The following DAB2 variants were observed in gnomAD, a reference collection of about 807,000 sequenced individuals.
The protein encoded by DAB2 is DAB adaptor protein 2.
A neutral mutation model predicts 71.6 loss-of-function variants in DAB2; 28 were observed. That is an observed-to-expected ratio of 0.39 (90% confidence interval 0.29 to 0.54). DAB2 has a LOEUF of 0.54. DAB2 is among the 20% of genes least tolerant of loss of function. The pLI, the probability that DAB2 is intolerant of heterozygous loss-of-function variation, is 0.68. For missense variants in DAB2, 867 were observed against 928.8 expected (o/e 0.93, Z 0.86); for synonymous variants, 345 against 339.7 (o/e 1.02, Z -0.17).
At chr5:39,418,636 A>G (rs1041245148) in intron 1 of DAB2, among the ~76,000 whole-genome samples, 4 of 152,274 alleles carry the variant, frequency 2.6e-5, no homozygotes, top group African/African-American at 9.6e-5. Flanking sequence ...GTGTGCCTCT[A>G]CTGATTTATG....
rs149477668 is a variant in DAB2, at chr5:39,390,560, G to A, written c.346C>T (p.His116Tyr). The A allele has an allele frequency of 1.9e-6, 3 of 1,612,292 alleles. No homozygotes were observed. The highest frequency in any genetic ancestry group is 2.5e-6 in the Non-Finnish European group (3 of 1,178,592). The change falls in exon 5 of 15, where the codon CAT (histidine) becomes TAT (tyrosine). Residue 116 changes from histidine (H) to tyrosine (Y), a missense_variant. Physicochemically the swap from His to Tyr is moderately conservative, Grantham distance 83. This residue lies in a region of DAB2 where 127 missense variants were observed against 194.4 expected (regional missense o/e 0.65). Coordinates refer to ENST00000320816, the MANE Select transcript of DAB2 (RefSeq NM_001343.4). Reference protein sequence around the residue: ...DEKTGVIEHEHPVNKISFIAR... With the variant: ...DEKTGVIEHEYPVNKISFIAR... ...ATGAAAGAAATCTTATTTACTGGAT[G>A]TTCATGCTCTATTACCTTAAAAAAG...
chr5:39,419,931 T>G (rs1356613487), intron 1 of DAB2, among the ~76,000 whole-genome samples: 11 of 152,240 alleles, frequency 7.2e-5, no homozygotes, highest in Non-Finnish European at 1.3e-4. Context: ...TGCTTTATTA[T>G]CTCCATGACT....
chr5:39,404,276 G>A (rs973429315), intron 1 of DAB2, among the ~76,000 whole-genome samples: 3 of 149,848 alleles, frequency 2.0e-5, no homozygotes, highest in African/African-American at 4.9e-5. Context: ...GATAGCATTA[G>A]GAGATATACC....
intron 5 of DAB2, 146 bp from the exon 6 acceptor site, chr5:39,390,078 C>T: frequency 1.6e-6 from 1 of 631,262 alleles, no homozygotes; most frequent in South Asian, 2.2e-5. Flanking sequence ...GGGATCACCA[C>T]CAACCCAATC....
At chr5:39,405,580 C>A (rs920508628) in intron 1 of DAB2, among the ~76,000 whole-genome samples, 8 of 152,154 alleles carry the variant, frequency 5.3e-5, no homozygotes, top group Admixed American at 6.5e-5. Flanking sequence ...CTGGGTAGGA[C>A]AATGTTGTGG....
In DAB2 at chr5:39,377,091, G is replaced by C. The variant is rs754700560; in HGVS notation, c.1696C>G (p.Pro566Ala). The C allele has an allele frequency of 2.5e-6, 4 of 1,614,180 alleles. No homozygotes were observed. Among genetic ancestry groups the C allele is most frequent in the South Asian group, 2.2e-5 (2 of 91,082 alleles). Residue 566 changes from proline to alanine, a missense_variant, in exon 12 of 15, where the codon CCC becomes GCC. This residue lies in a region of DAB2 where 740 missense variants were observed against 734.3 expected (regional missense o/e 1.01). Transcript: ENST00000320816. ...CCCCAGACAACAGGCACTGGAGGGG[G>C]AGTTGAGGCTGCAAAGGGTGAAGGC... ...NQPSPFAAST[P>A]PPVPVVWGPS...
chr5:39,388,026 C>T, intron 9 of DAB2: 2 of 309,538 alleles, frequency 6.5e-6, no homozygotes, highest in South Asian at 5.9e-5. Context: ...CTATTATTCA[C>T]CTCCTCCTTC....
intron 1 of DAB2, among the ~76,000 whole-genome samples, chr5:39,397,771 A>G (rs899979115): frequency 2.0e-5 from 3 of 152,160 alleles, no homozygotes; most frequent in African/African-American, 7.2e-5. Context: ...TAATCCTTAT[A>G]TGCTTTTAAA....
At chr5:39,376,197 T>A in intron 12 of DAB2, 91 bp from the exon 13 acceptor site, 1 of 978,874 alleles carries the variant, frequency 1.0e-6, no homozygotes, top group Non-Finnish European at 1.6e-6. Flanking sequence ...AGTTTAGTTC[T>A]ATACTTTTGA....
At chr5:39,385,652 C>T (rs1179523652) in intron 9 of DAB2, among the ~76,000 whole-genome samples, 1 of 152,164 alleles carries the variant, frequency 6.6e-6, no homozygotes, top group Non-Finnish European at 1.5e-5. Context: ...GTTACAGAAC[C>T]TGCTCGTAGG....
intron 1 of DAB2, among the ~76,000 whole-genome samples, chr5:39,406,252 G>C (rs1755608314): frequency 6.6e-6 from 1 of 152,100 alleles, no homozygotes; most frequent in Non-Finnish European, 1.5e-5. Flanking sequence ...GCAGACTCGG[G>C]CAGCATGGGC....
At chr5:39,392,725 G>T (rs149319161) in intron 3 of DAB2, among the ~76,000 whole-genome samples, 33 of 152,274 alleles carry the variant, frequency 2.2e-4, no homozygotes, top group African/African-American at 7.9e-4. Context: ...TCAACTAGAA[G>T]ATCTTTAGAG....
At chr5:39,387,135 T>G (rs982973296) in intron 9 of DAB2, among the ~76,000 whole-genome samples, 4 of 152,182 alleles carry the variant, frequency 2.6e-5, no homozygotes, top group Non-Finnish European at 5.9e-5. Context: ...CCTCTCCATC[T>G]CATTTGACCT....
Position 39,376,125 on chromosome 5 carries a change from A to G in DAB2, c.2138-19T>C. On this transcript the variant is annotated intron_variant, in intron 12 of 14. Transcript: ENST00000320816. ...GGTGGTTCTAGAAGGTAAAAAATCC[A>G]GGCAATCAGTAGACAAGCTTTCCCC... The G allele has an allele frequency of 1.9e-6, 3 of 1,597,698 alleles. No individual in the cohort carries two copies. Among genetic ancestry groups the G allele is most frequent in the Non-Finnish European group, 2.6e-6 (3 of 1,165,980 alleles).
At chr5:39,381,394 A>G (rs2112033416) in intron 11 of DAB2, 60 bp downstream of exon 11, 1 of 1,534,596 alleles carries the variant, frequency 6.5e-7, no homozygotes, top group East Asian at 2.3e-5. Flanking sequence ...CTTCCGATGC[A>G]TCATCATTTT....
chr5:39,389,783 A>AT (rs1755180020), intron 6 of DAB2, 69 bp downstream of exon 6: 1 of 874,346 alleles, frequency 1.1e-6, no homozygotes, highest in Admixed American at 2.4e-5. Context: ...AAGTGCTGGG[A>AT]TTATAGGTGT....
chr5:39,375,144 A>G (rs1349951952), intron 13 of DAB2, 60 bp from the exon 14 acceptor site: 5 of 1,263,946 alleles, frequency 4.0e-6, no homozygotes, highest in Non-Finnish European at 5.7e-6. Flanking sequence ...AAAAAATCGC[A>G]ATGAAGACTT....
chr5:39,404,240 G>T (rs60377457), intron 1 of DAB2, among the ~76,000 whole-genome samples: 2 of 108,480 alleles, frequency 1.8e-5, no homozygotes, highest in African/African-American at 7.1e-5. Flanking sequence ...ACCAGGGTCT[G>T]TTGTGGGGTG....
In DAB2 at chr5:39,424,937, C is replaced by T. The variant is rs900450462; in HGVS notation, c.-235G>A. 3 of 152,460 alleles carry T rather than the reference C, an allele frequency of 2.0e-5. No homozygotes were observed. Among genetic ancestry groups the T allele is most frequent in the African/African-American group, 7.2e-5 (3 of 41,412 alleles). The allele number at this position is 152,460 out of a possible 1,614,324, so 9.4% of individuals were successfully genotyped here. A position where few individuals can be genotyped will look rare whatever the true frequency, so the allele number is the denominator to read the frequency against. On this transcript the variant is annotated 5_prime_UTR_variant, in exon 1 of 15. Transcript: ENST00000320816. ...AGCTTCGGAGCCGCGCGGCCACTCC[C>T]GGCGAGAGATATGGTTCTAATCAGA...
Sources: allele counts gnomAD v4.1 joint callset (sites outside exome capture counted in the v4.1 genomes callset), GRCh38; gene constraint gnomAD v4.1.1; regional missense constraint gnomAD v4.1.1; transcripts MANE v1.5; gene names NCBI Gene and HGNC (gene_info 2026-07-23, HGNC 2026-07-21).